COL22A1: variants seen among roughly 807,000 people sequenced by gnomAD.
COL22A1 encodes collagen type XXII alpha 1 chain.
COL22A1 carries 221 observed loss-of-function variants against 248.9 expected under a neutral mutation model. That is an observed-to-expected ratio of 0.89 (90% CI 0.80 to 0.99). The LOEUF (loss-of-function observed/expected upper bound fraction) is 0.99. Ranked by LOEUF, COL22A1 falls within the 50% of genes least tolerant of loss-of-function variation. COL22A1 has a pLI of 0.00. For synonymous variants in COL22A1, 891 were observed against 793.4 expected, an observed-to-expected ratio of 1.12 and a Z score of -2.07; for missense variants, 2,240 against 2,179.0, an observed-to-expected ratio of 1.03 and a Z score of -0.56.
At chr8:138,870,609 G>A (rs1394244058) in intron 3 of COL22A1, among the ~76,000 whole-genome samples, 1 of 151,934 alleles carries the variant, frequency 6.6e-6, no homozygotes, top group Non-Finnish European at 1.5e-5. Flanking sequence ...TCATGTATGT[G>A]TGTGATATGT....
intron 39 of COL22A1, among the ~76,000 whole-genome samples, chr8:138,682,544 A>G (rs1039952151): frequency 1.3e-5 from 2 of 152,076 alleles, no homozygotes; most frequent in Non-Finnish European, 2.9e-5. Context: ...TAGTCAAATA[A>G]TTTTCACTGG....
intron 22 of COL22A1, among the ~76,000 whole-genome samples, chr8:138,740,430 A>G (rs1476937568): frequency 6.6e-6 from 1 of 152,098 alleles, no homozygotes; most frequent in South Asian, 2.1e-4. Flanking sequence ...GGGTGACACA[A>G]TCACCATTTG....
chr8:138,687,379 GAA>G (rs1456094988), intron 37 of COL22A1, among the ~76,000 whole-genome samples: 1 of 152,170 alleles, frequency 6.6e-6, no homozygotes, highest in Non-Finnish European at 1.5e-5. Context: ...TCTTAAAATT[GAA>G]CCTTCCTGCA....
At chr8:138,731,074 G>A (rs1385554132) in intron 23 of COL22A1, among the ~76,000 whole-genome samples, 1 of 152,148 alleles carries the variant, frequency 6.6e-6, no homozygotes, top group African/African-American at 2.4e-5. Context: ...GGCCGAGGCG[G>A]GCAGATCACC....
intron 9 of COL22A1, among the ~76,000 whole-genome samples, chr8:138,810,875 T>A (rs1818153191): frequency 6.6e-6 from 1 of 152,112 alleles, no homozygotes; most frequent in Admixed American, 6.5e-5. Context: ...TGTCTATGCA[T>A]CCATTGTCCC....
chr8:138,878,428 C>G, intron 2 of COL22A1, 112 bp from the exon 3 acceptor site: 1 of 937,624 alleles, frequency 1.1e-6, no homozygotes, highest in South Asian at 2.1e-5. Flanking sequence ...CCTACCTGCC[C>G]TGTCTCTCAT....
At chr8:138,665,539 C>A (rs1487513954) in intron 41 of COL22A1, among the ~76,000 whole-genome samples, 1 of 152,232 alleles carries the variant, frequency 6.6e-6, no homozygotes, top group Non-Finnish European at 1.5e-5. Context: ...AGAAGTCCTG[C>A]AGAACTTCAG....
intron 9 of COL22A1, among the ~76,000 whole-genome samples, chr8:138,809,655 G>C (rs1218170370): frequency 6.6e-6 from 1 of 151,708 alleles, no homozygotes; most frequent in Admixed American, 6.6e-5. Context: ...TGAGTAGCTG[G>C]GATTATAGGC....
At chr8:138,703,432 C>T (rs1828131989) in intron 30 of COL22A1, 85 bp from the exon 31 acceptor site, 10 of 1,289,086 alleles carry the variant, frequency 7.8e-6, no homozygotes, top group Non-Finnish European at 1.1e-5. Flanking sequence ...ACACTATTTT[C>T]CCCAGACAAC....
At chr8:138,759,564 C>T in intron 18 of COL22A1, among the ~76,000 whole-genome samples, 1 of 152,206 alleles carries the variant, frequency 6.6e-6, no homozygotes. Context: ...AACATCACAC[C>T]TTCTCTTTTT....
At chr8:138,810,408 T>A (rs1298658954) in intron 9 of COL22A1, among the ~76,000 whole-genome samples, 2 of 152,184 alleles carry the variant, frequency 1.3e-5, no homozygotes, top group African/African-American at 4.8e-5. Context: ...TTCATTGACA[T>A]GTAAAAACCA....
intron 64 of COL22A1, among the ~76,000 whole-genome samples, chr8:138,590,868 C>T (rs10091528): frequency 0.15 from 23,534 of 152,162 alleles, 2,638 homozygotes; most frequent in African/African-American, 0.32. Context: ...AAACTGAAAT[C>T]CTCTGTTCCC....
chr8:138,843,947 C>T (rs1821055730), intron 4 of COL22A1, 137 bp downstream of exon 4: 2 of 791,326 alleles, frequency 2.5e-6, no homozygotes, highest in Non-Finnish European at 4.5e-6. Flanking sequence ...CGATTCAAAC[C>T]ACTTTATCAG....
At chr8:138,656,196 T>C (rs144947652) in intron 44 of COL22A1, among the ~76,000 whole-genome samples, 57 of 152,182 alleles carry the variant, frequency 3.7e-4, no homozygotes, top group African/African-American at 1.3e-3. Flanking sequence ...CCATCCCTAC[T>C]CTCCTTCTGT....
rs1823803449 is a variant in COL22A1 at position 138,877,399 on chromosome 8, G to A, written c.658+351C>T. 2.0e-5 allele frequency among the ~76,000 whole-genome samples: 3 copies of A among 152,202 alleles called. No homozygotes were observed. The South Asian group carries it at 6.2e-4, about 32-fold the overall frequency. On this transcript the variant is annotated intron_variant, in intron 3 of 64. Coordinates refer to ENST00000303045, the MANE Select transcript of COL22A1 (RefSeq NM_152888.3). Reference sequence around the variant, plus strand: ...CAGCTCTGGGCAGTAAGTAGAGGATGTTCCCACATCAGAGGTAAAGATGAG... The same window carrying A: ...CAGCTCTGGGCAGTAAGTAGAGGATATTCCCACATCAGAGGTAAAGATGAG...
chr8:138,702,249 A>C (rs1347858523), intron 31 of COL22A1, among the ~76,000 whole-genome samples: 2 of 152,182 alleles, frequency 1.3e-5, no homozygotes, highest in Non-Finnish European at 2.9e-5. Context: ...GTAGGTTATC[A>C]ATCTTAAACA....
chr8:138,749,388 C>T (rs1832401987), intron 22 of COL22A1, among the ~76,000 whole-genome samples: 1 of 152,194 alleles, frequency 6.6e-6, no homozygotes, highest in Admixed American at 6.5e-5. Flanking sequence ...TTTATATAAA[C>T]AGTTCCACCC....
intron 50 of COL22A1, among the ~76,000 whole-genome samples, chr8:138,628,760 C>CTTTTTT (rs56318714): frequency 8.0e-6 from 1 of 124,290 alleles, no homozygotes; most frequent in African/African-American, 3.9e-5. Context: ...AGATCCACAT[C>CTTTTTT]TTTTTTTTTT....
At chr8:138,674,649 G>T (rs115673127) in intron 41 of COL22A1, among the ~76,000 whole-genome samples, 4,648 of 152,204 alleles carry the variant, frequency 0.031, 119 homozygotes, top group African/African-American at 0.066. Context: ...AATTGTGTCC[G>T]CCTCCACAGC....
Sources: gnomAD v4.1 joint callset for allele counts (sites outside exome capture counted in the v4.1 genomes callset) on GRCh38, gnomAD v4.1.1 for gene constraint, MANE v1.5 for transcripts, NCBI Gene and HGNC (gene_info 2026-07-23, HGNC 2026-07-21) for gene names.